The following EYS variants were observed in gnomAD, a reference collection of about 807,000 sequenced individuals.
EYS encodes the protein protein eyes shut homolog.
EYS carries 250 observed loss-of-function variants against 282.1 expected under a neutral mutation model. The observed-to-expected ratio is 0.89, with a 90% CI of 0.80 to 0.98. EYS has a LOEUF of 0.98. Among genes scored for constraint, EYS ranks in the 50% least tolerant of loss-of-function variants. The pLI, the probability that EYS is intolerant of heterozygous loss-of-function variation, is 0.00. For synonymous variants in EYS, 1,355 were observed against 1,282.9 expected (o/e 1.06, Z -1.20); for missense variants, 4,016 against 3,709.0 (o/e 1.08, Z -2.15).
intron 8 of EYS, among the ~76,000 whole-genome samples, chr6:65,365,596 G>A (rs1764887034): frequency 6.6e-6 from 1 of 151,642 alleles, no homozygotes; most frequent in Admixed American, 6.7e-5. Context: ...CCTAAGGTAA[G>A]ATCATGGCCT....
At chr6:64,830,673 G>A (rs552734598) in intron 19 of EYS, among the ~76,000 whole-genome samples, 4 of 151,962 alleles carry the variant, frequency 2.6e-5, no homozygotes, top group Admixed American at 6.6e-5. Flanking sequence ...ATCCCTGAAA[G>A]TGATCTTGTC....
chr6:64,434,906 T>C (rs1774687243), intron 28 of EYS, among the ~76,000 whole-genome samples: 1 of 152,082 alleles, frequency 6.6e-6, no homozygotes, highest in Non-Finnish European at 1.5e-5. Context: ...CTCTTCATGA[T>C]ACCAATCTGT....
chr6:65,586,174 A>G (rs1199901388), intron 2 of EYS, among the ~76,000 whole-genome samples: 1 of 151,962 alleles, frequency 6.6e-6, no homozygotes, highest in Non-Finnish European at 1.5e-5. Context: ...TTTTACTTTA[A>G]TCAAAATAGT....
chr6:63,847,795 T>A (rs1772137986), intron 36 of EYS, among the ~76,000 whole-genome samples: 1 of 152,240 alleles, frequency 6.6e-6, no homozygotes, highest in African/African-American at 2.4e-5. Context: ...AATAACTTAG[T>A]GTCTATATTT....
chr6:64,683,795 C>T (rs1044629679), intron 22 of EYS, among the ~76,000 whole-genome samples: 5 of 152,126 alleles, frequency 3.3e-5, no homozygotes, highest in African/African-American at 4.8e-5. Flanking sequence ...TTGTGCAGAC[C>T]GTGGTGAGAG....
chr6:64,842,880 G>A (rs1192251668), intron 19 of EYS, among the ~76,000 whole-genome samples: 1 of 152,134 alleles, frequency 6.6e-6, no homozygotes, highest in Non-Finnish European at 1.5e-5. Context: ...GCCTGATGAT[G>A]CAGAGAGAAA....
chr6:65,246,045 C>A (rs934770372), intron 12 of EYS, among the ~76,000 whole-genome samples: 11 of 151,990 alleles, frequency 7.2e-5, no homozygotes, highest in African/African-American at 2.4e-4. Flanking sequence ...ACAGGAAGGG[C>A]AATCAAATGC....
chr6:65,503,811 T>G (rs897141773), intron 2 of EYS, among the ~76,000 whole-genome samples: 9 of 151,722 alleles, frequency 5.9e-5, no homozygotes, highest in Admixed American at 4.6e-4. Flanking sequence ...GTTCCATTGA[T>G]CTACATGCTT....
At chr6:65,209,405 GATTT>G (rs1766117322) in intron 12 of EYS, among the ~76,000 whole-genome samples, 1 of 151,498 alleles carries the variant, frequency 6.6e-6, no homozygotes, top group Admixed American at 6.6e-5. Flanking sequence ...CACAAATCAG[GATTT>G]ATTAATACCA....
chr6:64,622,265 G>A (rs560422099), intron 23 of EYS, among the ~76,000 whole-genome samples: 2 of 152,178 alleles, frequency 1.3e-5, no homozygotes, highest in Non-Finnish European at 2.9e-5. Context: ...ATGGTGGAGG[G>A]CTTTATGCTT....
chr6:63,998,736 A>T (rs1430372342), intron 34 of EYS, among the ~76,000 whole-genome samples: 1 of 151,818 alleles, frequency 6.6e-6, no homozygotes, highest in Non-Finnish European at 1.5e-5. Context: ...CTATAAAAAC[A>T]CAAGTTTTTA....
chr6:63,839,564 G>C (rs1771897194), intron 36 of EYS, among the ~76,000 whole-genome samples: 1 of 152,072 alleles, frequency 6.6e-6, no homozygotes, highest in Admixed American at 6.6e-5. Flanking sequence ...GCCCAGAGTG[G>C]TTTTGAACTC....
intron 12 of EYS, among the ~76,000 whole-genome samples, chr6:65,146,121 T>C (rs540113965): frequency 1.3e-5 from 2 of 151,942 alleles, no homozygotes; most frequent in South Asian, 4.1e-4. Flanking sequence ...AAAGTAAATA[T>C]AGCACTATTT....
rs572479914 is a variant in EYS, at chr6:65,622,684, C to T, written c.-333+17094G>A. On this transcript the variant is annotated intron_variant, in intron 2 of 42. Coordinates refer to ENST00000503581, the MANE Select transcript of EYS (RefSeq NM_001142800.2). ...CAGACTATCATTGTTAAGATTGTTG[C>T]ATTTCTTGAGTTAATCAAGAGTAAG... Among the ~76,000 whole-genome samples the T allele has an allele frequency of 1.2e-3, 188 of 151,908 alleles. 1 individual carries two copies. Among genetic ancestry groups the T allele is most frequent in the African/African-American group, 4.3e-3 (177 of 41,430 alleles).
intron 12 of EYS, among the ~76,000 whole-genome samples, chr6:65,197,172 T>C (rs1765789128): frequency 6.6e-6 from 1 of 152,084 alleles, no homozygotes; most frequent in African/African-American, 2.4e-5. Flanking sequence ...TCTCCTTTCA[T>C]GGAGTTTACT....
At chr6:65,310,005 C>T (rs1317151000) in intron 11 of EYS, among the ~76,000 whole-genome samples, 1 of 152,148 alleles carries the variant, frequency 6.6e-6, no homozygotes, top group Non-Finnish European at 1.5e-5. Context: ...GATCACAATA[C>T]TATCTTGCTC....
chr6:65,291,025 G>C (rs765254237), intron 12 of EYS, among the ~76,000 whole-genome samples: 73 of 151,382 alleles, frequency 4.8e-4, no homozygotes, highest in Non-Finnish European at 9.6e-4. Flanking sequence ...CATAATATTA[G>C]TTAAGTAAAT....
intron 30 of EYS, among the ~76,000 whole-genome samples, chr6:64,262,393 T>C (rs1468724817): frequency 2.0e-5 from 3 of 151,750 alleles, no homozygotes; most frequent in Non-Finnish European, 4.4e-5. Flanking sequence ...GCATAATTTG[T>C]ATTTTTATAA....
At chr6:65,530,876 A>G (rs190853889) in intron 2 of EYS, among the ~76,000 whole-genome samples, 164 of 152,280 alleles carry the variant, frequency 1.1e-3, no homozygotes, top group African/African-American at 3.9e-3. Flanking sequence ...ATGAAGTCCC[A>G]TATTTTTCTC....
Sources: allele counts gnomAD v4.1 joint callset (sites outside exome capture counted in the v4.1 genomes callset), GRCh38; gene constraint gnomAD v4.1.1; transcripts MANE v1.5; gene names NCBI Gene and HGNC (gene_info 2026-07-23, HGNC 2026-07-21).